ZDHHC3: variants seen among roughly 807,000 people sequenced by gnomAD.
The protein encoded by ZDHHC3 is zDHHC palmitoyltransferase 3, also known as palmitoyltransferase ZDHHC3.
In ZDHHC3, 9 loss-of-function variants were observed where a neutral mutation model predicts 30.6. The ratio of observed to expected loss-of-function variants is 0.29; its 90% CI spans 0.18 to 0.51. The LOEUF is 0.51. Ranked by LOEUF, ZDHHC3 falls within the 20% of genes least tolerant of loss-of-function variation. The probability of loss-of-function intolerance (pLI) is 0.97; values close to 1 mark genes in which losing one functional copy is unlikely to be tolerated. For synonymous variants in ZDHHC3, 136 were observed against 140.2 expected (o/e 0.97, Z 0.21); for missense variants, 246 against 384.2 (o/e 0.64, Z 3.01).
In ZDHHC3 at chr3:44,944,502, T is replaced by C. The variant is rs557520454; in HGVS notation, c.431+666A>G. ...CTCGCTTTGTTGCCCAGGCTGGTCT[T>C]GAACTCCTAGGCTCCAGTGATCCTC... On this transcript the variant is annotated intron_variant, in intron 3 of 6. Transcript: ENST00000424952. Among the ~76,000 whole-genome samples, 7 of 152,272 alleles carry C rather than the reference T, an allele frequency of 4.6e-5. No homozygotes were observed. In the South Asian group the frequency reaches 1.5e-3, roughly 32 times the overall value.
At chr3:44,962,073 C>T (rs1704525839) in intron 1 of ZDHHC3, among the ~76,000 whole-genome samples, 1 of 152,244 alleles carries the variant, frequency 6.6e-6, no homozygotes, top group African/African-American at 2.4e-5. Flanking sequence ...CTCACTGTCT[C>T]ATCCACATCT....
At chr3:44,963,600 T>C (rs1704669503) in intron 1 of ZDHHC3, among the ~76,000 whole-genome samples, 1 of 151,966 alleles carries the variant, frequency 6.6e-6, no homozygotes, top group African/African-American at 2.4e-5. Context: ...TTTCCTTTTC[T>C]ATTTTGAATT....
chr3:44,927,546 G>A (rs1701103716), intron 6 of ZDHHC3, among the ~76,000 whole-genome samples: 1 of 152,212 alleles, frequency 6.6e-6, no homozygotes, highest in South Asian at 2.1e-4. Flanking sequence ...GGGTGGCATG[G>A]CCAGGCCAGC....
chr3:44,947,115 T>C (rs994562011), intron 2 of ZDHHC3, among the ~76,000 whole-genome samples: 2 of 152,170 alleles, frequency 1.3e-5, no homozygotes, highest in Non-Finnish European at 2.9e-5. Context: ...CAACTTGTTA[T>C]TGGGTGGTGG....
chr3:44,971,130 A>T (rs1705368998), intron 1 of ZDHHC3, among the ~76,000 whole-genome samples: 1 of 152,236 alleles, frequency 6.6e-6, no homozygotes, highest in Non-Finnish European at 1.5e-5. Context: ...TTACTGCAAC[A>T]GGACTGTGGC....
Position 44,919,710 on chromosome 3 carries a change from G to T in ZDHHC3, c.*6979C>A. On this transcript the variant is annotated 3_prime_UTR_variant, in exon 7 of 7. Transcript: ENST00000424952. The stretch of plus-strand genomic sequence containing the variant: ...TACATACATTAGTTAAGGGTATGGT[G>T]TTGCCAATGTCCAGGGTTTTATATT... 4.5e-6 allele frequency: 1 copy of T among 223,648 alleles called. No individual in the cohort carries two copies. Among genetic ancestry groups the T allele is most frequent in the Non-Finnish European group, 7.5e-6 (1 of 133,396 alleles). 13.9% of individuals were successfully genotyped at this position (223,648 alleles called of 1,614,324 possible).
chr3:44,939,706 G>A (rs1421741001), intron 3 of ZDHHC3, among the ~76,000 whole-genome samples: 3 of 152,218 alleles, frequency 2.0e-5, no homozygotes, highest in African/African-American at 7.2e-5. Context: ...TTACAGCAAA[G>A]CTATTCTTCC....
In ZDHHC3 at chr3:44,926,710, G is replaced by A. The variant is rs756686592; in HGVS notation, c.879C>T (p.Asp293=). Residue 293 remains aspartate, a synonymous_variant, in exon 7 of 7, where the codon GAC becomes GAT. Coordinates refer to ENST00000424952, the MANE Select transcript of ZDHHC3 (RefSeq NM_001135179.2). ...TCCTTCAGACCACATACTGGTACGG[G>A]TCTGCCTTCCCTTGGTCTGGCGTGG... The part of the protein sequence containing the change: ...PFATPDQGKA[D]PYQYVV 7 of 1,611,588 alleles carry A rather than the reference G, an allele frequency of 4.3e-6. No individual in the cohort carries two copies. The highest frequency in any genetic ancestry group is 2.7e-5 in the African/African-American group (2 of 74,752).
At position 44,916,251 on chromosome 3, in the gene ZDHHC3, T is replaced by C. The variant is rs547064076; in HGVS notation, c.*10438A>G. On this transcript the variant is annotated 3_prime_UTR_variant, in exon 7 of 7. Transcript: ENST00000424952. ...GTGGCTTTGTGAACACTGGGCCCTT[T>C]GAGCAATTAACCCCAGGCCCTAGTG... 1.3e-5 allele frequency: 2 copies of C among 152,358 alleles called. No individual in the cohort carries two copies. Among genetic ancestry groups the C allele is most frequent in the East Asian group, 1.9e-4 (1 of 5,168 alleles). 9.4% of individuals were successfully genotyped at this position (152,358 alleles called of 1,614,324 possible). A position where few individuals can be genotyped will look rare whatever the true frequency, so the allele number is the denominator to read the frequency against.
chr3:44,933,259 C>T, intron 4 of ZDHHC3, 60 bp from the exon 5 acceptor site: 1 of 1,537,226 alleles, frequency 6.5e-7, no homozygotes, highest in Non-Finnish European at 9.0e-7. Context: ...CTCACGGGCT[C>T]CCGGGACAGG....
rs150426468 is a variant in ZDHHC3, at chr3:44,921,968, G to C, written c.*4721C>G. 5 of 985,270 alleles carry C rather than the reference G, an allele frequency of 5.1e-6. No individual in the cohort carries two copies. The highest frequency in any genetic ancestry group is 5.2e-4 in the Middle Eastern group (1 of 1,936). The allele number at this position is 985,270 out of a possible 1,614,324, so 61.0% of individuals were successfully genotyped here. A position where few individuals can be genotyped will look rare whatever the true frequency, so the allele number is the denominator to read the frequency against. ...CCTCACTCCTTGGATCAGCTTCATCGGCTCCTCCTGTGGGCCCAACAGAGC... is the reference window on the plus strand; with the variant it reads ...CCTCACTCCTTGGATCAGCTTCATCCGCTCCTCCTGTGGGCCCAACAGAGC... On this transcript the variant is annotated 3_prime_UTR_variant, in exon 7 of 7. Coordinates refer to ENST00000424952, the MANE Select transcript of ZDHHC3 (RefSeq NM_001135179.2).
intron 1 of ZDHHC3, among the ~76,000 whole-genome samples, chr3:44,962,379 G>A (rs1032614663): frequency 6.6e-6 from 1 of 152,056 alleles, no homozygotes; most frequent in Non-Finnish European, 1.5e-5. Context: ...GTTTTGTTGA[G>A]GAATAAGCCC....
intron 1 of ZDHHC3, among the ~76,000 whole-genome samples, chr3:44,973,236 G>A (rs181114465): frequency 6.6e-6 from 1 of 152,172 alleles, no homozygotes; most frequent in Non-Finnish European, 1.5e-5. Flanking sequence ...TCTGGTGAAT[G>A]TAATAAAACC....
At chr3:44,944,149 A>C (rs190172450) in intron 3 of ZDHHC3, among the ~76,000 whole-genome samples, 4 of 152,004 alleles carry the variant, frequency 2.6e-5, no homozygotes, top group Non-Finnish European at 5.9e-5. Flanking sequence ...GCTAATTAAA[A>C]AAAAATTTTT....
chr3:44,958,400 C>T (rs191175477), intron 2 of ZDHHC3, among the ~76,000 whole-genome samples: 49 of 152,244 alleles, frequency 3.2e-4, no homozygotes, highest in South Asian at 2.9e-3. Flanking sequence ...ACACGTCCCA[C>T]GTACTGAAAC....
chr3:44,951,858 C>T (rs190744017), intron 2 of ZDHHC3, among the ~76,000 whole-genome samples: 6 of 152,318 alleles, frequency 3.9e-5, no homozygotes, highest in Admixed American at 3.9e-4. Context: ...TCCTCACTGT[C>T]CTTCTCCCTG....
At chr3:44,967,719 A>C (rs1266621929) in intron 1 of ZDHHC3, among the ~76,000 whole-genome samples, 2 of 152,230 alleles carry the variant, frequency 1.3e-5, no homozygotes, top group Non-Finnish European at 2.9e-5. Flanking sequence ...TTGTAAGAGT[A>C]ACTGGTTAAA....
intron 3 of ZDHHC3, among the ~76,000 whole-genome samples, chr3:44,939,139 G>A (rs1409210235): frequency 1.3e-5 from 2 of 152,160 alleles, no homozygotes; most frequent in East Asian, 3.9e-4. Context: ...ATGCTGGCCT[G>A]GTTCCAGAAT....
Position 44,917,257 on chromosome 3 carries a change from T to TAAAA in ZDHHC3, c.*9431_*9432insTTTT. On this transcript the variant is annotated 3_prime_UTR_variant, in exon 7 of 7. Transcript: ENST00000424952. ...GTCCTGCACATGTGTGTGTAGAGCT[T>TAAAA]AATGCAGGGTCCTCTTTGAACCATG... 5 of 153,264 alleles carry TAAAA rather than the reference T, an allele frequency of 3.3e-5. No individual in the cohort carries two copies. The highest frequency in any genetic ancestry group is 1.3e-4 in the Admixed American group (2 of 15,796). 9.5% of individuals were successfully genotyped at this position (153,264 alleles called of 1,614,324 possible). A position where few individuals can be genotyped will look rare whatever the true frequency, so the allele number is the denominator to read the frequency against.
Sources: allele counts gnomAD v4.1 joint callset (sites outside exome capture counted in the v4.1 genomes callset), GRCh38; gene constraint gnomAD v4.1.1; transcripts MANE v1.5; gene names NCBI Gene and HGNC (gene_info 2026-07-23, HGNC 2026-07-21).